The following CACNA1H variants were observed in gnomAD, a reference collection of about 807,000 sequenced individuals.
The protein encoded by CACNA1H is calcium voltage-gated channel subunit alpha1 H.
A neutral mutation model predicts 192.5 loss-of-function variants in CACNA1H; 149 were observed. The ratio of observed to expected loss-of-function variants is 0.77; its 90% confidence interval spans 0.68 to 0.89. The LOEUF is 0.89. Among genes scored for constraint, CACNA1H ranks in the 40% least tolerant of loss-of-function variants. The pLI, the probability that CACNA1H is intolerant of heterozygous loss-of-function variation, is 0.00. For missense variants in CACNA1H, 4,257 were observed against 3,423.5 expected, an observed-to-expected ratio of 1.24 and a Z score of -6.08; for synonymous variants, 2,202 against 1,475.2, an observed-to-expected ratio of 1.49 and a Z score of -11.29.
At chr16:1,181,433 G>C (rs933998987) in intron 2 of CACNA1H, among the ~76,000 whole-genome samples, 2 of 152,246 alleles carry the variant, frequency 1.3e-5, no homozygotes, top group African/African-American at 4.8e-5. Context: ...CTGGGGGTCT[G>C]CTCCAGTTCC....
intron 2 of CACNA1H, among the ~76,000 whole-genome samples, chr16:1,175,023 G>A (rs1964735587): frequency 6.6e-6 from 1 of 151,844 alleles, no homozygotes; most frequent in African/African-American, 2.4e-5. Flanking sequence ...TGGACTGTGA[G>A]GCCAGCTAGG....
Position 1,209,993 on chromosome 16 carries a change from A to G in CACNA1H, c.3745-42A>G, listed in dbSNP as rs768118364. 36 of 1,455,732 alleles carry G rather than the reference A, an allele frequency of 2.5e-5. 1 individual carries two copies. The South Asian group carries it at 4.3e-4, about 17-fold the overall frequency. The allele number at this position is 1,455,732 out of a possible 1,614,324, so 90.2% of individuals were successfully genotyped here. A position where few individuals can be genotyped will look rare whatever the true frequency, so the allele number is the denominator to read the frequency against. ...AGAGGGCCCTGATGGGGGGCCGGGCAGGCAGGCGCAGGCTCTGAGAAGCCG... is the reference window on the plus strand; with the variant it reads ...AGAGGGCCCTGATGGGGGGCCGGGCGGGCAGGCGCAGGCTCTGAGAAGCCG... On this transcript the variant is annotated intron_variant, in intron 17 of 34. Coordinates refer to ENST00000348261, the MANE Select transcript of CACNA1H (RefSeq NM_021098.3).
rs1226634173 is a variant in CACNA1H at position 1,211,303 on chromosome 16, C to A, written c.4350+9C>A. ...GCATTTTGGGTGTGCAGGTGTGTGGCCCCCACGTGCCCGGGGGTCTGCCCC... is the reference window on the plus strand; with the variant it reads ...GCATTTTGGGTGTGCAGGTGTGTGGACCCCACGTGCCCGGGGGTCTGCCCC... On this transcript the variant is annotated intron_variant, in intron 22 of 34. Transcript: ENST00000348261. The A allele has an allele frequency of 1.9e-6, 3 of 1,611,758 alleles. No individual in the cohort carries two copies. The highest frequency in any genetic ancestry group is 2.5e-6 in the Non-Finnish European group (3 of 1,178,926).
chr16:1,211,927 C>T lies in CACNA1H; in HGVS notation c.4567-19C>T, dbSNP rs1197945202. The T allele has an allele frequency of 6.2e-7, 1 of 1,612,208 alleles. No individual in the cohort carries two copies. The highest frequency in any genetic ancestry group is 1.7e-5 in the Admixed American group (1 of 60,022). ...CTGGCGGGGCAGGCGGGCGGGGACCCACCGCCTCTGTGCCACAGCCTGTGC... is the reference window on the plus strand; with the variant it reads ...CTGGCGGGGCAGGCGGGCGGGGACCTACCGCCTCTGTGCCACAGCCTGTGC... On this transcript the variant is annotated intron_variant, in intron 24 of 34. Coordinates refer to ENST00000348261, the MANE Select transcript of CACNA1H (RefSeq NM_021098.3).
chr16:1,216,017 C>G (rs921694946), intron 30 of CACNA1H, among the ~76,000 whole-genome samples: 1 of 152,152 alleles, frequency 6.6e-6, no homozygotes, highest in African/African-American at 2.4e-5. Context: ...TGGCCCCTGC[C>G]CAGATCCTTT....
intron 2 of CACNA1H, among the ~76,000 whole-genome samples, chr16:1,177,275 G>A (rs954323635): frequency 1.3e-5 from 2 of 152,190 alleles, no homozygotes; most frequent in Non-Finnish European, 1.5e-5. Context: ...CCCCTCCAGG[G>A]CCGGGTCCCC....
At chr16:1,206,901 CCT>C in intron 12 of CACNA1H, 98 bp from the exon 13 acceptor site, 1 of 347,630 alleles carries the variant, frequency 2.9e-6, no homozygotes, top group Non-Finnish European at 5.5e-6. Context: ...CAGAGCCAGT[CCT>C]GCCCCTCCCT....
rs531198181 is a variant in CACNA1H at position 1,215,099 on chromosome 16, G to A, written c.5039+18G>A. 72 of 1,601,484 alleles carry A rather than the reference G, an allele frequency of 4.5e-5. No homozygotes were observed. Among genetic ancestry groups the A allele is most frequent in the Admixed American group, 1.0e-4 (6 of 58,568 alleles). On this transcript the variant is annotated intron_variant, in intron 28 of 34. Coordinates refer to ENST00000348261, the MANE Select transcript of CACNA1H (RefSeq NM_021098.3). ...AAGGACAGGTGTGTGTGGTGGGGCC[G>A]TCTTGGGTTCTGGGGGCCCCTCAGG... is the stretch of plus-strand genomic sequence containing the variant.
At position 1,211,302 on chromosome 16, in the gene CACNA1H, G is replaced by T; in HGVS notation, c.4350+8G>T. Reference sequence around the variant, plus strand: ...GGCATTTTGGGTGTGCAGGTGTGTGGCCCCCACGTGCCCGGGGGTCTGCCC... The same window carrying T: ...GGCATTTTGGGTGTGCAGGTGTGTGTCCCCCACGTGCCCGGGGGTCTGCCC... On this transcript the variant is annotated splice_region_variant and intron_variant, in intron 22 of 34. Transcript: ENST00000348261. 1 of 1,612,754 alleles carries T rather than the reference G, an allele frequency of 6.2e-7. No homozygotes were observed. Among genetic ancestry groups the T allele is most frequent in the Non-Finnish European group, 8.5e-7 (1 of 1,179,606 alleles).
intron 16 of CACNA1H, among the ~76,000 whole-genome samples, chr16:1,208,440 G>A (rs1387757495): frequency 1.3e-5 from 2 of 152,292 alleles, no homozygotes; most frequent in East Asian, 1.9e-4. Context: ...GAAGCTCTGT[G>A]CGCCCAACAG....
At chr16:1,215,830 C>T (rs1969980783) in intron 30 of CACNA1H, among the ~76,000 whole-genome samples, 2 of 152,108 alleles carry the variant, frequency 1.3e-5, no homozygotes, top group South Asian at 2.1e-4. Context: ...GCCCCCTCCC[C>T]GGTGCACTTC....
At chr16:1,173,322 A>AGTGGGATGCCCTTCCGGAGT (rs1373221137) in intron 2 of CACNA1H, among the ~76,000 whole-genome samples, 1 of 152,096 alleles carries the variant, frequency 6.6e-6, no homozygotes, top group East Asian at 1.9e-4. Context: ...GCCCTGGGGT[A>AGTGGGATGCCCTTCCGGAGT]GTGGGATGCC....
At position 1,200,450 on chromosome 16, in the gene CACNA1H, C is replaced by T. The variant is rs775506846; in HGVS notation, c.998C>T (p.Ala333Val). Residue 333 changes from alanine to valine, a missense_variant, in exon 7 of 35, where the codon GCA becomes GTA. Coordinates refer to ENST00000348261, the MANE Select transcript of CACNA1H (RefSeq NM_021098.3). ...CCGCAGGCCGAGGGGGTGGGCGCTGCACGCAACGCCTGCATCAACTGGAAC... is the reference window on the plus strand; with the variant it reads ...CCGCAGGCCGAGGGGGTGGGCGCTGTACGCAACGCCTGCATCAACTGGAAC... ...TQPQAEGVGA[A>V]RNACINWNQY... 3.7e-6 allele frequency: 6 copies of T among 1,611,498 alleles called. No homozygotes were observed. Among genetic ancestry groups the T allele is most frequent in the Admixed American group, 1.7e-5 (1 of 59,994 alleles).
chr16:1,182,807 C>T (rs1965606502), intron 2 of CACNA1H, among the ~76,000 whole-genome samples: 1 of 152,010 alleles, frequency 6.6e-6, no homozygotes, highest in Non-Finnish European at 1.5e-5. Flanking sequence ...CCACCCTGGC[C>T]CTCCTCTGAC....
At chr16:1,165,752 G>A (rs892648055) in intron 2 of CACNA1H, among the ~76,000 whole-genome samples, 1 of 152,212 alleles carries the variant, frequency 6.6e-6, no homozygotes, top group Non-Finnish European at 1.5e-5. Flanking sequence ...GTGGCTCCCG[G>A]CTCTCCTGAG....
At position 1,217,022 on chromosome 16, in the gene CACNA1H, C is replaced by A; in HGVS notation, c.5323+12C>A. 6.3e-7 allele frequency: 1 copy of A among 1,577,022 alleles called. No homozygotes were observed. ...GTTCGGGAGGCTGGGTGAGTGGCTC[C>A]TGCGCCCTCCTCCTGGCACACATGG... On this transcript the variant is annotated intron_variant, in intron 31 of 34. Coordinates refer to ENST00000348261, the MANE Select transcript of CACNA1H (RefSeq NM_021098.3).
At chr16:1,216,841 G>A in intron 30 of CACNA1H, 91 bp from the exon 31 acceptor site, 3 of 1,013,948 alleles carry the variant, frequency 3.0e-6, no homozygotes, top group Admixed American at 2.0e-5. Flanking sequence ...GGCAGGTGGG[G>A]TCTGGTGGCC....
Position 1,215,006 on chromosome 16 carries a change from T to C in CACNA1H, c.4964T>C (p.Val1655Ala), listed in dbSNP as rs565045353. Reference protein sequence around the residue: ...LDEALKYCNYVFTIVFVFEAA... With the variant: ...LDEALKYCNYAFTIVFVFEAA... ...GAGGCCCTCAAGTACTGCAACTACG[T>C]CTTCACCATCGTGTTTGTCTTCGAG... The change falls in exon 28 of 35, where the codon GTC becomes GCC. Residue 1655 changes from valine (V) to alanine (A), a missense_variant. Physicochemically the swap from Val to Ala is moderately conservative, Grantham distance 64. Transcript: ENST00000348261. The C allele has an allele frequency of 1.2e-6, 2 of 1,612,488 alleles. No homozygotes were observed. The highest frequency in any genetic ancestry group is 2.2e-5 in the South Asian group (2 of 90,732).
intron 5 of CACNA1H, 107 bp downstream of exon 5, chr16:1,196,130 G>T: frequency 2.3e-6 from 2 of 886,070 alleles, no homozygotes; most frequent in Non-Finnish European, 3.6e-6. Context: ...GGAAATGAAG[G>T]TTACCAGGCA....
Sources: gnomAD v4.1 joint callset for allele counts (sites outside exome capture counted in the v4.1 genomes callset) on GRCh38, gnomAD v4.1.1 for gene constraint, MANE v1.5 for transcripts, NCBI Gene and HGNC (gene_info 2026-07-23, HGNC 2026-07-21) for gene names.